PCDH9: variants seen among roughly 807,000 people sequenced by gnomAD.
The protein encoded by PCDH9 is protocadherin 9.
A neutral mutation model predicts 70.6 loss-of-function variants in PCDH9; 24 were observed. The observed-to-expected ratio is 0.34, with a 90% CI of 0.25 to 0.48. PCDH9 has a LOEUF of 0.48. Among genes scored for constraint, PCDH9 ranks in the 20% least tolerant of loss-of-function variants. The probability of loss-of-function intolerance (pLI) is 0.99; values close to 1 mark genes in which losing one functional copy is unlikely to be tolerated. For missense variants in PCDH9, 1,281 were observed against 1,503.6 expected, an observed-to-expected ratio of 0.85 and a Z score of 2.45; for synonymous variants, 562 against 558.5, an observed-to-expected ratio of 1.01 and a Z score of -0.09.
intron 2 of PCDH9, among the ~76,000 whole-genome samples, chr13:67,030,442 T>A (rs1032388160): frequency 5.9e-5 from 9 of 152,026 alleles, no homozygotes; most frequent in African/African-American, 2.2e-4. Context: ...TCCTTCTACC[T>A]AACTGTATGT....
At chr13:66,912,938 T>G (rs1324455995) in intron 2 of PCDH9, among the ~76,000 whole-genome samples, 2 of 152,086 alleles carry the variant, frequency 1.3e-5, no homozygotes, top group East Asian at 3.9e-4. Flanking sequence ...CTTTGTATTA[T>G]GAAAACTGTT....
chr13:67,086,389 T>C (rs1253119872), intron 2 of PCDH9, among the ~76,000 whole-genome samples: 3 of 152,186 alleles, frequency 2.0e-5, no homozygotes, highest in Non-Finnish European at 4.4e-5. Flanking sequence ...AATTCAGAAA[T>C]TGCTATGTAA....
At chr13:66,581,967 T>C (rs1385061352) in intron 4 of PCDH9, among the ~76,000 whole-genome samples, 2 of 152,164 alleles carry the variant, frequency 1.3e-5, no homozygotes, top group East Asian at 1.9e-4. Flanking sequence ...TCTTCACGTC[T>C]TTGTCCCTTT....
chr13:66,417,048 T>C (rs967616385), intron 4 of PCDH9, among the ~76,000 whole-genome samples: 2 of 152,146 alleles, frequency 1.3e-5, no homozygotes, highest in African/African-American at 4.8e-5. Context: ...TTATTATACT[T>C]TAAGTTCTGG....
intron 3 of PCDH9, among the ~76,000 whole-genome samples, chr13:66,833,695 TAGTTTG>T (rs1009872111): frequency 5.4e-4 from 82 of 152,200 alleles, no homozygotes; most frequent in Non-Finnish European, 2.1e-4. Flanking sequence ...TTTCTTCCTA[TAGTTTG>T]AGTTTAAGTT....
intron 2 of PCDH9, among the ~76,000 whole-genome samples, chr13:67,061,831 A>G (rs74093589): frequency 1.3e-5 from 2 of 152,186 alleles, no homozygotes; most frequent in African/African-American, 4.8e-5. Context: ...AGACCTTGTA[A>G]GAGCAGAATT....
chr13:66,657,028 CTCAGACAAA>C (rs1422624468), intron 3 of PCDH9, among the ~76,000 whole-genome samples: 3 of 152,154 alleles, frequency 2.0e-5, no homozygotes, highest in African/African-American at 7.2e-5. Context: ...AATGAGCTTC[CTCAGACAAA>C]AGCCTATGTC....
chr13:66,422,383 C>T (rs1957583372), intron 4 of PCDH9, among the ~76,000 whole-genome samples: 1 of 152,090 alleles, frequency 6.6e-6, no homozygotes, highest in Admixed American at 6.5e-5. Context: ...ATAGCACTTA[C>T]TCTACAATCG....
intron 2 of PCDH9, among the ~76,000 whole-genome samples, chr13:67,025,181 T>C (rs1011122003): frequency 1.3e-5 from 2 of 152,130 alleles, no homozygotes; most frequent in African/African-American, 4.8e-5. Context: ...CTTGTGGTGC[T>C]ATATGCTAAT....
intron 2 of PCDH9, among the ~76,000 whole-genome samples, chr13:67,011,274 T>C (rs764998678): frequency 5.9e-5 from 9 of 151,966 alleles, no homozygotes; most frequent in Non-Finnish European, 1.2e-4. Flanking sequence ...TGTGTCTATA[T>C]CCTGCATTTA....
chr13:67,225,608 G>C lies in PCDH9; in HGVS notation c.2833C>G (p.Gln945Glu), dbSNP rs1266276251. 1 of 1,614,148 alleles carries C rather than the reference G, an allele frequency of 6.2e-7. No individual in the cohort carries two copies. Among genetic ancestry groups the C allele is most frequent in the South Asian group, 1.1e-5 (1 of 91,084 alleles). ...TCTGGTTTGAGATGAAAAGCAGGCTGTGGAGAAGCAGATTTGTAGTGCTTG... is the reference window on the plus strand; with the variant it reads ...TCTGGTTTGAGATGAAAAGCAGGCTCTGGAGAAGCAGATTTGTAGTGCTTG... ...LAKHYKSASPQPAFHLKPDTP... is the reference protein window; with the variant it reads ...LAKHYKSASPEPAFHLKPDTP... The change falls in exon 2 of 5, where the codon CAG becomes GAG. Residue 945 changes from glutamine (Q) to glutamate (E), a missense_variant. By Grantham distance (29) the Gln-to-Glu change is conservative (BLOSUM62 2). Around this residue, in one of 4 missense-constraint regions of PCDH9, gnomAD observed 207 missense variants for 191.8 expected, o/e 1.08. Transcript: ENST00000377865.
At chr13:67,037,147 G>C (rs2085025874) in intron 2 of PCDH9, among the ~76,000 whole-genome samples, 2 of 152,096 alleles carry the variant, frequency 1.3e-5, no homozygotes, top group African/African-American at 4.8e-5. Context: ...ACTATTTTCT[G>C]GTTGCAGTTT....
At chr13:66,314,338 C>T (rs1274149183) in intron 4 of PCDH9, among the ~76,000 whole-genome samples, 2 of 152,142 alleles carry the variant, frequency 1.3e-5, no homozygotes, top group South Asian at 2.1e-4. Context: ...AATTCTGAAT[C>T]GGTAGGTTTG....
intron 2 of PCDH9, among the ~76,000 whole-genome samples, chr13:67,186,594 A>G (rs2138501586): frequency 6.6e-6 from 1 of 152,286 alleles, no homozygotes; most frequent in African/African-American, 2.4e-5. Flanking sequence ...TTAATGTTTA[A>G]TGATCTACCA....
intron 2 of PCDH9, chr13:67,218,216 T>C (rs1335820664): frequency 6.6e-6 from 1 of 152,120 alleles, no homozygotes; most frequent in Non-Finnish European, 1.5e-5. Context: ...TACAGATCTA[T>C]GCAAAATGTG....
chr13:66,498,156 T>G (rs1213043011), intron 4 of PCDH9, among the ~76,000 whole-genome samples: 1 of 151,028 alleles, frequency 6.6e-6, no homozygotes, highest in Non-Finnish European at 1.5e-5. Flanking sequence ...TTATTATTTT[T>G]TTTTTGAGAC....
At chr13:66,646,867 G>T (rs2077777624) in intron 3 of PCDH9, among the ~76,000 whole-genome samples, 1 of 152,172 alleles carries the variant, frequency 6.6e-6, no homozygotes, top group Admixed American at 6.5e-5. Flanking sequence ...GTGGCTTTGT[G>T]GTGTGGAGAC....
chr13:66,480,165 C>T (rs1322288965), intron 4 of PCDH9, among the ~76,000 whole-genome samples: 1 of 152,122 alleles, frequency 6.6e-6, no homozygotes, highest in East Asian at 1.9e-4. Flanking sequence ...TCACAGATTA[C>T]TTTGAGAGGT....
intron 2 of PCDH9, among the ~76,000 whole-genome samples, chr13:67,200,467 C>G (rs149574330): frequency 6.6e-6 from 1 of 152,030 alleles, no homozygotes; most frequent in African/African-American, 2.4e-5. Context: ...ATTTTCTTAG[C>G]AAAATAAGTG....
Sources: allele counts gnomAD v4.1 joint callset (sites outside exome capture counted in the v4.1 genomes callset), GRCh38; gene constraint gnomAD v4.1.1; regional missense constraint gnomAD v4.1.1; transcripts MANE v1.5; gene names NCBI Gene and HGNC (gene_info 2026-07-23, HGNC 2026-07-21).